ERI2: variants seen among roughly 807,000 people sequenced by gnomAD.
The protein encoded by ERI2 is ERI1 exoribonuclease 2.
In ERI2, 35 loss-of-function variants were observed where a neutral mutation model predicts 46.8. The ratio of observed to expected loss-of-function variants is 0.75; its 90% CI spans 0.57 to 0.99. The LOEUF is 0.99. Ranked by LOEUF, ERI2 falls within the 50% of genes least tolerant of loss-of-function variation. The probability of loss-of-function intolerance (pLI) is 0.00; values close to 1 mark genes in which losing one functional copy is unlikely to be tolerated. For synonymous variants in ERI2, 224 were observed against 271.0 expected (o/e 0.83, Z 1.70); for missense variants, 695 against 796.2 (o/e 0.87, Z 1.53).
intron 1 of ERI2, chr16:20,805,915 C>A: frequency 6.1e-6 from 6 of 978,354 alleles, no homozygotes; most frequent in Non-Finnish European, 7.3e-6. Flanking sequence ...AGTGTACTCT[C>A]CTGGCAAAAC....
At chr16:20,792,393 C>A (rs145354182), downstream of ERI2, 203 of 1,598,092 alleles carry the variant, frequency 1.3e-4, no homozygotes, top group African/African-American at 2.4e-3. Context: ...CACATACTTA[C>A]AAACAGTAGC....
In ERI2 at chr16:20,790,508, A is replaced by G. The variant is rs1278219790; in HGVS notation, c.815+342T>C. On this transcript the variant is annotated intron_variant, in intron 9 of 10. Coordinates refer to the ERI2 transcript ENST00000300005. The surrounding 1 kb of genome is among the most constrained non-coding windows in gnomAD (Gnocchi z 4.0). ...TCATTTTTAAATGGCAAAAGCCAAA[A>G]TAAAACTTGCAAAGTTAATATTTAA... 3.5e-6 allele frequency: 5 copies of G among 1,414,128 alleles called. No individual in the cohort carries two copies. The Admixed American group carries it at 1.0e-4, about 29-fold the overall frequency. The allele number at this position is 1,414,128 out of a possible 1,614,324, so 87.6% of individuals were successfully genotyped here.
At chr16:20,795,150 C>T (rs543366868), downstream of ERI2, among the ~76,000 whole-genome samples, 66 of 152,100 alleles carry the variant, frequency 4.3e-4, no homozygotes, top group Admixed American at 1.2e-3. Context: ...TCACAACTGC[C>T]GCATGGCACA....
At chr16:20,806,217 G>T (rs1212770013) in intron 1 of ERI2, 191 bp downstream of exon 1, 21 of 1,403,238 alleles carry the variant, frequency 1.5e-5, no homozygotes, top group Non-Finnish European at 1.9e-5. Context: ...GGTAGAAGGT[G>T]GCCCAAGGCT....
In ERI2 at chr16:20,797,640, TAAAAA is replaced by T; in HGVS notation, c.*79_*83del. 1 of 1,374,876 alleles carries T rather than the reference TAAAAA, an allele frequency of 7.3e-7. No individual in the cohort carries two copies. Among genetic ancestry groups the T allele is most frequent in the Non-Finnish European group, 9.4e-7 (1 of 1,062,390 alleles). 85.2% of individuals were successfully genotyped at this position (1,374,876 alleles called of 1,614,324 possible). ...ATGCAGTAAACATTAATATATAAAA[TAAAAA>T]TAAAATAGTGTAAGATGTTATCAGA... On this transcript the variant is annotated 3_prime_UTR_variant, in exon 9 of 9. Coordinates refer to ENST00000357967, the MANE Select transcript of ERI2 (RefSeq NM_001142725.2).
Position 20,786,527 on chromosome 16 carries a change from TA to T in ERI2, c.894+2951del, listed in dbSNP as rs201565359. Among the ~76,000 whole-genome samples, 1,501 of 152,018 alleles carry T rather than the reference TA, an allele frequency of 9.9e-3. 29 individuals are homozygous for T. Among genetic ancestry groups the T allele is most frequent in the African/African-American group, 0.034 (1,427 of 41,426 alleles). On this transcript the variant is annotated intron_variant, in intron 10 of 10. Transcript: ENST00000300005. The stretch of plus-strand genomic sequence containing the variant: ...GAGACTTTGTCTCTACAAAAAAATA[TA>T]AAAAACTAGCCAGGCATGGTGGTAC...
intron 7 of ERI2, 118 bp downstream of exon 7, chr16:20,799,839 G>C: frequency 1.6e-6 from 1 of 637,318 alleles, no homozygotes; most frequent in Middle Eastern, 4.2e-4. Flanking sequence ...TTTAGATTAG[G>C]AGTTTTTTTT....
intron 1 of ERI2, chr16:20,805,778 A>T: frequency 9.6e-6 from 2 of 207,410 alleles, no homozygotes; most frequent in Non-Finnish European, 1.7e-5. Context: ...TGCCTCTTTT[A>T]AAAAGTTCTA....
Position 20,806,462 on chromosome 16 carries a change from T to A in ERI2, c.-32A>T, listed in dbSNP as rs763985601. On this transcript the variant is annotated 5_prime_UTR_variant, in exon 1 of 9. Coordinates refer to ENST00000357967, the MANE Select transcript of ERI2 (RefSeq NM_001142725.2). ...CACTCCTTGCTTTTCCAAGTCCAGC[T>A]GCCGGAAGTCGCTCGACTTCTACTT... 1.9e-6 allele frequency: 3 copies of A among 1,551,464 alleles called. No homozygotes were observed. Among genetic ancestry groups the A allele is most frequent in the Non-Finnish European group, 2.6e-6 (3 of 1,147,396 alleles).
chr16:20,782,544 C>T (rs1048322411), intron 10 of ERI2, among the ~76,000 whole-genome samples: 2 of 152,226 alleles, frequency 1.3e-5, no homozygotes, highest in Non-Finnish European at 2.9e-5. Flanking sequence ...TTTTCCCCCA[C>T]ATTGACCAAT....
downstream of ERI2, chr16:20,792,398 A>G: frequency 6.3e-7 from 1 of 1,595,220 alleles, no homozygotes; most frequent in Non-Finnish European, 8.6e-7. Context: ...ACTTACAAAC[A>G]GTAGCTCAGT....
Position 20,790,210 on chromosome 16 carries a change from G to C in ERI2, c.815+640C>G, listed in dbSNP as rs1377279496. ...CTCATGCCTATAATCCCAGCACTTT[G>C]GGAGGCCAAGGCTGGAATATCACTG... is the stretch of plus-strand genomic sequence containing the variant. On this transcript the variant is annotated intron_variant, in intron 9 of 10. Transcript: ENST00000300005. This position sits in a 1 kb window ranked among gnomAD's most constrained non-coding sequence, Gnocchi z 4.0. Among the ~76,000 whole-genome samples, 1 of 152,094 alleles carries C rather than the reference G, an allele frequency of 6.6e-6. No homozygotes were observed. Among genetic ancestry groups the C allele is most frequent in the Non-Finnish European group, 1.5e-5 (1 of 68,018 alleles).
chr16:20,802,695 A>C, intron 4 of ERI2, 101 bp downstream of exon 4: 1 of 1,355,994 alleles, frequency 7.4e-7, no homozygotes, highest in Non-Finnish European at 9.8e-7. Context: ...TACAGGCATA[A>C]GCCATCATGC....
chr16:20,789,691 T>C (rs1211986826), intron 9 of ERI2: 11 of 623,080 alleles, frequency 1.8e-5, no homozygotes, highest in South Asian at 4.1e-5. Context: ...TTTCTTTTTT[T>C]TTTTTTTTTT....
At chr16:20,784,454 A>G (rs2080424652) in intron 10 of ERI2, 1 of 152,764 alleles carries the variant, frequency 6.5e-6, no homozygotes, top group Non-Finnish European at 1.5e-5. Context: ...ATATCCCACC[A>G]TCAGTTTTAC....
chr16:20,803,670 C>A lies in ERI2; in HGVS notation c.24G>T (p.Arg8=), dbSNP rs752502706. 6.2e-7 allele frequency: 1 copy of A among 1,613,678 alleles called. No individual in the cohort carries two copies. Among genetic ancestry groups the A allele is most frequent in the Non-Finnish European group, 8.5e-7 (1 of 1,179,814 alleles). Residue 8 remains arginine (R), a splice_region_variant and synonymous_variant, in exon 2 of 9, where the codon CGG becomes CGT. Coordinates refer to ENST00000357967, the MANE Select transcript of ERI2 (RefSeq NM_001142725.2). MATKRLA[R]QLGLIRRKSI... ...ACTTTCTCCTAATTAATCCAAGCTGCCTAAAAATGTGAAGCAATCCAAATA... is the reference window on the plus strand; with the variant it reads ...ACTTTCTCCTAATTAATCCAAGCTGACTAAAAATGTGAAGCAATCCAAATA...
At chr16:20,791,909 C>CA (rs374793225), downstream of ERI2, 1,910 of 1,462,296 alleles carry the variant, frequency 1.3e-3, 35 homozygotes, top group South Asian at 0.023. Flanking sequence ...GCCTGGGTAA[C>CA]AGAGTGAGAC....
At chr16:20,786,124 C>T (rs758636757) in intron 10 of ERI2, 5 of 1,604,894 alleles carry the variant, frequency 3.1e-6, no homozygotes, top group African/African-American at 1.3e-5. Flanking sequence ...AAACCTGGCT[C>T]AATGGGAAAA....
chr16:20,781,707 G>A, intron 10 of ERI2: 1 of 1,610,856 alleles, frequency 6.2e-7, no homozygotes, highest in Non-Finnish European at 8.5e-7. Flanking sequence ...CTAAATTGCA[G>A]ACACTCTCCA....
Sources: allele counts gnomAD v4.1 joint callset (sites outside exome capture counted in the v4.1 genomes callset), GRCh38; gene constraint gnomAD v4.1.1; non-coding constraint Gnocchi (gnomAD v3.1); transcripts MANE v1.5; gene names NCBI Gene and HGNC (gene_info 2026-07-23, HGNC 2026-07-21).